The following NALF1 variants were observed in gnomAD, a reference collection of about 807,000 sequenced individuals.
NALF1 encodes family with sequence similarity 155 member A.
Under a neutral mutation model 48.4 loss-of-function variants are expected in NALF1, and 3 were observed. The ratio of observed to expected loss-of-function variants is 0.06; its 90% CI spans 0.03 to 0.16. NALF1 has a LOEUF of 0.16. Among genes scored for constraint, NALF1 ranks in the 10% least tolerant of loss-of-function variants. The pLI is 1.00. For synonymous variants in NALF1, 262 were observed against 245.7 expected (o/e 1.07, Z -0.62); for missense variants, 526 against 571.5 (o/e 0.92, Z 0.81).
intron 1 of NALF1, among the ~76,000 whole-genome samples, chr13:107,548,403 T>C (rs1191268012): frequency 6.6e-6 from 1 of 152,136 alleles, no homozygotes; most frequent in Non-Finnish European, 1.5e-5. Flanking sequence ...TCCATGTCTT[T>C]GTTATTGTGA....
intron 1 of NALF1, among the ~76,000 whole-genome samples, chr13:107,413,407 T>C (rs1328661552): frequency 1.3e-5 from 2 of 152,162 alleles, no homozygotes; most frequent in African/African-American, 2.4e-5. Context: ...TAAAAAGACC[T>C]ACATGCATAT....
intron 1 of NALF1, among the ~76,000 whole-genome samples, chr13:107,216,142 A>G (rs750094): frequency 0.3 from 46,259 of 152,140 alleles, 8,148 homozygotes; most frequent in Middle Eastern, 0.4. Context: ...TATTAGATCC[A>G]TTTCTGCCAG....
chr13:107,380,587 T>A (rs1030889853), intron 1 of NALF1, among the ~76,000 whole-genome samples: 2 of 152,132 alleles, frequency 1.3e-5, no homozygotes. Context: ...GTTTCCTTCT[T>A]GAGAAGGTAT....
intron 1 of NALF1, among the ~76,000 whole-genome samples, chr13:107,359,131 C>T (rs1373759644): frequency 2.0e-5 from 3 of 152,048 alleles, no homozygotes; most frequent in African/African-American, 4.8e-5. Context: ...TCCTCTGTCA[C>T]TCTTATAATT....
At chr13:107,315,467 A>T (rs1242324631) in intron 1 of NALF1, among the ~76,000 whole-genome samples, 1 of 152,072 alleles carries the variant, frequency 6.6e-6, no homozygotes, top group African/African-American at 2.4e-5. Flanking sequence ...GTCTTCTATA[A>T]TCTACCTTCA....
chr13:107,206,219 T>G (rs60144969), intron 2 of NALF1, among the ~76,000 whole-genome samples: 2 of 152,080 alleles, frequency 1.3e-5, no homozygotes, highest in African/African-American at 4.8e-5. Flanking sequence ...TAGAAAAAAA[T>G]TCAAGAGAAA....
intron 1 of NALF1, among the ~76,000 whole-genome samples, chr13:107,308,330 T>C (rs1304142129): frequency 1.3e-5 from 2 of 151,098 alleles, no homozygotes; most frequent in Non-Finnish European, 2.9e-5. Flanking sequence ...GCCTCCTGAG[T>C]AGCTGGGACT....
chr13:107,269,849 G>A (rs1338162242), intron 1 of NALF1, among the ~76,000 whole-genome samples: 5 of 148,336 alleles, frequency 3.4e-5, no homozygotes, highest in Non-Finnish European at 5.9e-5. Context: ...CCGGGTTCAC[G>A]CCATTCTCCT....
At chr13:107,820,329 A>T (rs535410018) in intron 1 of NALF1, among the ~76,000 whole-genome samples, 2 of 152,336 alleles carry the variant, frequency 1.3e-5, no homozygotes, top group East Asian at 3.9e-4. Flanking sequence ...CTCGTTGCTA[A>T]CCATATATTT....
chr13:107,280,502 G>A (rs553548916), intron 1 of NALF1, among the ~76,000 whole-genome samples: 2 of 152,230 alleles, frequency 1.3e-5, no homozygotes, highest in South Asian at 4.1e-4. Flanking sequence ...TTTCCTCATT[G>A]ACTGAATGAT....
intron 1 of NALF1, among the ~76,000 whole-genome samples, chr13:107,296,778 A>T (rs1052864193): frequency 6.6e-6 from 1 of 151,974 alleles, no homozygotes; most frequent in Non-Finnish European, 1.5e-5. Flanking sequence ...TAAAAAAGAA[A>T]ATATATATAT....
chr13:107,196,089 G>C (rs1381796515), intron 2 of NALF1, among the ~76,000 whole-genome samples: 2 of 152,186 alleles, frequency 1.3e-5, no homozygotes, highest in African/African-American at 4.8e-5. Flanking sequence ...TTATAAGTGG[G>C]AGCTAAATGA....
chr13:107,666,643 C>T (rs1042782225), intron 1 of NALF1, among the ~76,000 whole-genome samples: 9 of 152,110 alleles, frequency 5.9e-5, no homozygotes, highest in Non-Finnish European at 1.0e-4. Context: ...TTAGGACAAA[C>T]GAGATTAATT....
chr13:107,812,077 T>C (rs1879012017), intron 1 of NALF1, among the ~76,000 whole-genome samples: 1 of 152,200 alleles, frequency 6.6e-6, no homozygotes, highest in Non-Finnish European at 1.5e-5. Context: ...AAGGGTTTAA[T>C]ACTTAAACAG....
At chr13:107,852,456 A>C (rs1880343764) in intron 1 of NALF1, among the ~76,000 whole-genome samples, 1 of 152,250 alleles carries the variant, frequency 6.6e-6, no homozygotes, top group South Asian at 2.1e-4. Flanking sequence ...AGTACACAAC[A>C]CTTGTGTGAC....
At chr13:107,557,173 T>C (rs759546924) in intron 1 of NALF1, among the ~76,000 whole-genome samples, 7 of 152,160 alleles carry the variant, frequency 4.6e-5, no homozygotes, top group Non-Finnish European at 8.8e-5. Flanking sequence ...GTTAGGTTTG[T>C]TAGGTGTTTC....
At chr13:107,783,157 C>T (rs1209723095) in intron 1 of NALF1, among the ~76,000 whole-genome samples, 1 of 139,190 alleles carries the variant, frequency 7.2e-6, no homozygotes, top group Non-Finnish European at 1.6e-5. Context: ...AGGAGCCCCT[C>T]TGCCCGGCCA....
Position 107,646,910 on chromosome 13 carries a change from A to G in NALF1, c.915+218772T>C, listed in dbSNP as rs560823011. On this transcript the variant is annotated intron_variant, in intron 1 of 2. Coordinates refer to ENST00000375915, the MANE Select transcript of NALF1 (RefSeq NM_001080396.3). ...CTAAAGGACAATGATTTGTATTTAC[A>G]TAATATTTTAGTAAAGATTTGACAT... Among the ~76,000 whole-genome samples, 235 of 152,204 alleles carry G rather than the reference A, an allele frequency of 1.5e-3. 2 individuals are homozygous for G. The highest frequency in any genetic ancestry group is 5.2e-3 in the African/African-American group (215 of 41,546).
At chr13:107,245,115 G>A (rs1302414563) in intron 1 of NALF1, among the ~76,000 whole-genome samples, 1 of 152,178 alleles carries the variant, frequency 6.6e-6, no homozygotes, top group East Asian at 1.9e-4. Flanking sequence ...CAGTGCCCAT[G>A]TGGGATAATC....
Sources: gnomAD v4.1 joint callset for allele counts (sites outside exome capture counted in the v4.1 genomes callset) on GRCh38, gnomAD v4.1.1 for gene constraint, MANE v1.5 for transcripts, NCBI Gene and HGNC (gene_info 2026-07-23, HGNC 2026-07-21) for gene names.